The following SYTL5 variants were observed in gnomAD, a reference collection of about 807,000 sequenced individuals.
SYTL5 encodes the protein synaptotagmin-like protein 5.
Under a neutral mutation model 55.9 loss-of-function variants are expected in SYTL5, and 34 were observed. The ratio of observed to expected loss-of-function variants is 0.61; its 90% CI spans 0.46 to 0.81. The LOEUF is 0.81. Among genes scored for constraint, SYTL5 ranks in the 30% least tolerant of loss-of-function variants. The probability of loss-of-function intolerance (pLI) is 0.00; values close to 1 mark genes in which losing one functional copy is unlikely to be tolerated. For synonymous variants in SYTL5, 221 were observed against 188.7 expected, an observed-to-expected ratio of 1.17 and a Z score of -1.40; for missense variants, 637 against 546.7, an observed-to-expected ratio of 1.17 and a Z score of -1.65.
the SYTL5 span, among the ~76,000 whole-genome samples, chrX:37,993,667 G>A: frequency 8.9e-6 from 1 of 112,173 alleles, no homozygotes; most frequent in Non-Finnish European, 1.9e-5. Flanking sequence ...TATACATGGA[G>A]GCAAAATTGG....
At chrX:37,991,345 G>A in the SYTL5 span, 8 of 979,810 alleles carry the variant, frequency 8.2e-6, no homozygotes, top group Non-Finnish European at 1.1e-5. Flanking sequence ...AGTTTCTGTC[G>A]CTTTGGGTTG....
Position 38,127,893 on chromosome X carries a change from G to A in SYTL5, c.*1163G>A, listed in dbSNP as rs181160318. 1.8e-3 allele frequency: 207 copies of A among 111,920 alleles called. 1 individual carries two copies. The highest frequency in any genetic ancestry group is 3.2e-3 in the Non-Finnish European group (172 of 53,209). The allele number at this position is 111,920 out of a possible 1,213,427, so 9.2% of individuals were successfully genotyped here. On this transcript the variant is annotated 3_prime_UTR_variant, in exon 17 of 17. Coordinates refer to ENST00000297875, the MANE Select transcript of SYTL5 (RefSeq NM_138780.3). ...TGATGGCAGAAGTGCAATAAGATGAGCCCCACTGCTCGGGTACATTTTCAG... is the reference window on the plus strand; with the variant it reads ...TGATGGCAGAAGTGCAATAAGATGAACCCCACTGCTCGGGTACATTTTCAG...
the SYTL5 span, among the ~76,000 whole-genome samples, chrX:37,905,447 C>T: frequency 8.6e-5 from 1 of 11,613 alleles, no homozygotes; most frequent in African/African-American, 4.2e-4. Context: ...GTGGGGGGGG[C>T]GTGGGGGGTG....
chrX:38,109,166 G>T (rs759414045), intron 12 of SYTL5, among the ~76,000 whole-genome samples: 18 of 112,348 alleles, frequency 1.6e-4, no homozygotes, highest in Non-Finnish European at 3.2e-4. Flanking sequence ...TTAATGAATA[G>T]TGGAAATGCA....
rs1029900815 is a variant in SYTL5, at chrX:38,054,367, T to G, written c.274T>G (p.Cys92Gly). 1 of 1,208,758 alleles carries G rather than the reference T, an allele frequency of 8.3e-7. No individual in the cohort carries two copies. The highest frequency in any genetic ancestry group is 1.8e-5 in the African/African-American group (1 of 56,787). The change falls in exon 3 of 17, where the codon TGT becomes GGT. Residue 92 changes from cysteine to glycine, a missense_variant. Cys to Gly is a radical substitution (Grantham distance 159). Transcript: ENST00000297875. Reference protein sequence around the residue: ...QACSLRVCRECRVAGPNGSWK... With the variant: ...QACSLRVCREGRVAGPNGSWK... ...TTGCTCACTGAGGGTATGCAGGGAGTGTCGAGTTGCAGGCCCCAATGGCAG... is the reference window on the plus strand; with the variant it reads ...TTGCTCACTGAGGGTATGCAGGGAGGGTCGAGTTGCAGGCCCCAATGGCAG...
At chrX:38,041,192 G>A (rs936952626) in intron 2 of SYTL5, among the ~76,000 whole-genome samples, 1 of 111,884 alleles carries the variant, frequency 8.9e-6, no homozygotes, top group Non-Finnish European at 1.9e-5. Flanking sequence ...TGCTTATTTG[G>A]AATCCTGCAG....
the SYTL5 span, among the ~76,000 whole-genome samples, chrX:38,001,007 T>C: frequency 1.1e-3 from 120 of 111,025 alleles, no homozygotes; most frequent in African/African-American, 3.8e-3. Context: ...GGGGTTTTTA[T>C]AAGCACAGGA....
the SYTL5 span, among the ~76,000 whole-genome samples, chrX:37,969,485 G>A: frequency 1.8e-5 from 2 of 111,523 alleles, no homozygotes; most frequent in African/African-American, 3.3e-5. Context: ...TATAAAGATC[G>A]AGATATAACA....
At chrX:37,984,030 A>G in the SYTL5 span, among the ~76,000 whole-genome samples, 15 of 111,929 alleles carry the variant, frequency 1.3e-4, no homozygotes, top group Non-Finnish European at 2.6e-4. Flanking sequence ...ACAGATGTAT[A>G]TTTAAAAGGA....
chrX:37,976,221 A>C, the SYTL5 span, among the ~76,000 whole-genome samples: 2 of 112,874 alleles, frequency 1.8e-5, no homozygotes, highest in African/African-American at 6.4e-5. Context: ...AAAGTTAGTG[A>C]CTACAGACTT....
chrX:38,099,826 T>C (rs1937039078), intron 9 of SYTL5, among the ~76,000 whole-genome samples: 1 of 111,654 alleles, frequency 9.0e-6, no homozygotes, highest in African/African-American at 3.2e-5. Flanking sequence ...TCTATTGAGA[T>C]GATCATATGG....
the SYTL5 span, among the ~76,000 whole-genome samples, chrX:37,967,281 ACCT>A: frequency 1.8e-5 from 2 of 110,970 alleles, no homozygotes; most frequent in Admixed American, 1.9e-4. Context: ...CAAACTCCTG[ACCT>A]CAAATGATCT....
intron 16 of SYTL5, 38 bp from the exon 17 acceptor site, chrX:38,126,550 C>A (rs771578665): frequency 9.2e-6 from 11 of 1,201,838 alleles, no homozygotes; most frequent in Non-Finnish European, 1.2e-5. Flanking sequence ...CAAAGCATTT[C>A]ATGTGTGACA....
chrX:37,915,908 C>G, the SYTL5 span, among the ~76,000 whole-genome samples: 1 of 111,596 alleles, frequency 9.0e-6, no homozygotes, highest in Non-Finnish European at 1.9e-5. Context: ...ACCTAACCCA[C>G]AGCCTACAGA....
chrX:37,977,700 T>TCACA, the SYTL5 span, among the ~76,000 whole-genome samples: 395 of 82,548 alleles, frequency 4.8e-3, 2 homozygotes, highest in South Asian at 0.014. Flanking sequence ...GGACCAATGA[T>TCACA]CACACACACA....
chrX:38,096,497 C>T lies in SYTL5; in HGVS notation c.1062+263C>T, dbSNP rs186163892. On this transcript the variant is annotated intron_variant, in intron 9 of 16. Coordinates refer to ENST00000297875, the MANE Select transcript of SYTL5 (RefSeq NM_138780.3). ...TCAATTTCTGGCTAAAGTCTTATCA[C>T]TTAATCTAAACCTGGGAAATGAGAG... 1.6e-3 allele frequency among the ~76,000 whole-genome samples: 175 copies of T among 111,445 alleles called. No individual in the cohort carries two copies. In the Middle Eastern group the frequency reaches 0.024, roughly 15 times the overall value.
the SYTL5 span, among the ~76,000 whole-genome samples, chrX:37,982,387 G>A: frequency 9.0e-6 from 1 of 111,192 alleles, no homozygotes; most frequent in Non-Finnish European, 1.9e-5. Context: ...TTGAGGAGCA[G>A]AAAGAAAAAA....
intron 2 of SYTL5, among the ~76,000 whole-genome samples, chrX:38,036,297 C>T (rs1033053775): frequency 1.8e-5 from 2 of 111,168 alleles, no homozygotes; most frequent in African/African-American, 6.5e-5. Context: ...CAGAGCCAGA[C>T]TCCATCTCAA....
intron 2 of SYTL5, among the ~76,000 whole-genome samples, chrX:38,043,682 TATATATATAC>T (rs201216862): frequency 0.03 from 2,180 of 72,159 alleles, 87 homozygotes; most frequent in Admixed American, 0.13. Context: ...TATATATATA[TATATATATAC>T]ATATATATAT....
Sources: gnomAD v4.1 joint callset for allele counts (sites outside exome capture counted in the v4.1 genomes callset) on GRCh38, gnomAD v4.1.1 for gene constraint, MANE v1.5 for transcripts, NCBI Gene and HGNC (gene_info 2026-07-23, HGNC 2026-07-21) for gene names.